The following GABRP variants were observed in gnomAD, a reference collection of about 807,000 sequenced individuals.
The protein encoded by GABRP is gamma-aminobutyric acid receptor subunit pi.
GABRP carries 52 observed loss-of-function variants against 47.8 expected under a neutral mutation model. The ratio of observed to expected loss-of-function variants is 1.09; its 90% CI spans 0.87 to 1.37. The LOEUF (loss-of-function observed/expected upper bound fraction) is 1.37. Among genes scored for constraint, GABRP ranks in the 40% most tolerant of loss-of-function variants. GABRP has a pLI of 0.00. For missense variants in GABRP, 525 were observed against 542.8 expected (o/e 0.97, Z 0.33); for synonymous variants, 221 against 205.8 (o/e 1.07, Z -0.63).
rs372452374 is a variant in GABRP at position 170,808,540 on chromosome 5, T to C, written c.680-60T>C. On this transcript the variant is annotated intron_variant, in intron 7 of 9. Transcript: ENST00000265294. ...AATGTACATATAGTTAAGCATCCCA[T>C]AGAGAAACCACTTGCTACACGAACA... is the stretch of plus-strand genomic sequence containing the variant. The C allele has an allele frequency of 3.3e-5, 50 of 1,494,250 alleles. No individual in the cohort carries two copies. In the East Asian group the frequency reaches 1.0e-3, roughly 31 times the overall value. 92.6% of individuals were successfully genotyped at this position (1,494,250 alleles called of 1,614,324 possible).
chr5:170,801,175 G>A (rs774857139), intron 6 of GABRP, among the ~76,000 whole-genome samples: 2 of 152,190 alleles, frequency 1.3e-5, no homozygotes, highest in African/African-American at 4.8e-5. Flanking sequence ...CTTCAACCCA[G>A]GTGGAATGGC....
Position 170,809,528 on chromosome 5 carries a change from C to T in GABRP, c.833-40C>T, listed in dbSNP as rs1400348819. The stretch of plus-strand genomic sequence containing the variant: ...CTGCCAGGCTATGGTGGAGGACTAA[C>T]CAGTCACTTTGTAGGAACATCCCCT... On this transcript the variant is annotated intron_variant, in intron 8 of 9. Transcript: ENST00000265294. 1.9e-6 allele frequency: 3 copies of T among 1,601,530 alleles called. No homozygotes were observed. In the South Asian group the frequency reaches 3.3e-5, roughly 18 times the overall value.
chr5:170,806,307 T>G (rs929753778), intron 7 of GABRP, among the ~76,000 whole-genome samples: 12 of 152,208 alleles, frequency 7.9e-5, no homozygotes, highest in Non-Finnish European at 1.3e-4. Context: ...ATGCATCTCT[T>G]GGTCTTTGGC....
intron 6 of GABRP, among the ~76,000 whole-genome samples, chr5:170,800,204 T>C (rs1024350195): frequency 1.3e-5 from 2 of 152,300 alleles, no homozygotes; most frequent in East Asian, 3.9e-4. Context: ...TACAACTATC[T>C]GATCTTTGAC....
chr5:170,809,784 T>C, intron 9 of GABRP, 29 bp downstream of exon 9: 1 of 1,561,490 alleles, frequency 6.4e-7, no homozygotes, highest in Non-Finnish European at 8.7e-7. Flanking sequence ...CTGTGTATGA[T>C]CCATCACTGG....
At chr5:170,799,742 T>C (rs185917878) in intron 6 of GABRP, among the ~76,000 whole-genome samples, 1 of 152,350 alleles carries the variant, frequency 6.6e-6, no homozygotes, top group East Asian at 1.9e-4. Flanking sequence ...GCCTGTTCAC[T>C]CTGATTGTAG....
rs1765950273 is a variant in GABRP, at chr5:170,813,644, G to A, written c.*1386G>A. 6.6e-6 allele frequency: 1 copy of A among 152,152 alleles called. No individual in the cohort carries two copies. The highest frequency in any genetic ancestry group is 2.4e-5 in the African/African-American group (1 of 41,446). 9.4% of individuals were successfully genotyped at this position (152,152 alleles called of 1,614,324 possible). ...TTCCAGTTCAGCCTCAGTTATTTTA[G>A]ACAATCTCGCCATCTTTAATTTCTT... On this transcript the variant is annotated 3_prime_UTR_variant, in exon 10 of 10. Transcript: ENST00000265294.
At position 170,790,833 on chromosome 5, in the gene GABRP, C is replaced by T. The variant is rs185903502; in HGVS notation, c.172+1586C>T. Among the ~76,000 whole-genome samples the T allele has an allele frequency of 5.3e-5, 8 of 152,222 alleles. No homozygotes were observed. In the East Asian group the frequency reaches 9.7e-4, roughly 18 times the overall value. ...CTGTGGCCCATGAGAAGTGTGGCCTCGGAGCAAGTGTGGTGGTAGATTCCA... is the reference window on the plus strand; with the variant it reads ...CTGTGGCCCATGAGAAGTGTGGCCTTGGAGCAAGTGTGGTGGTAGATTCCA... On this transcript the variant is annotated intron_variant, in intron 3 of 9. Transcript: ENST00000265294.
chr5:170,789,548 T>C (rs1458279567), intron 3 of GABRP, among the ~76,000 whole-genome samples: 2 of 152,164 alleles, frequency 1.3e-5, no homozygotes, highest in East Asian at 1.9e-4. Context: ...ATTCAATGAA[T>C]TCACCATGCG....
At chr5:170,794,375 C>CAA (rs34296291) in intron 4 of GABRP, 77 bp downstream of exon 4, 4,210 of 259,864 alleles carry the variant, frequency 0.016, 190 homozygotes, top group African/African-American at 0.11. Flanking sequence ...TCTAGCCGCT[C>CAA]AAAAAAAAAA....
At chr5:170,796,574 A>C (rs1483183149) in intron 5 of GABRP, among the ~76,000 whole-genome samples, 1 of 152,346 alleles carries the variant, frequency 6.6e-6, no homozygotes, top group East Asian at 1.9e-4. Flanking sequence ...CTTGACTCTC[A>C]GAGCCTCAGT....
intron 1 of GABRP, among the ~76,000 whole-genome samples, chr5:170,784,432 A>G (rs1765077835): frequency 6.6e-6 from 1 of 152,206 alleles, no homozygotes; most frequent in South Asian, 2.1e-4. Context: ...AGAGGCCAAG[A>G]GCACGGAGTA....
At chr5:170,791,155 G>C (rs906048849) in intron 3 of GABRP, among the ~76,000 whole-genome samples, 6 of 152,206 alleles carry the variant, frequency 3.9e-5, no homozygotes, top group Non-Finnish European at 1.5e-5. Context: ...CAAGGTGCAG[G>C]GTCCTTGGGC....
At position 170,809,722 on chromosome 5, in the gene GABRP, C is replaced by T. The variant is rs774998587; in HGVS notation, c.987C>T (p.Tyr329=). Residue 329 remains tyrosine (Y), a synonymous_variant, in exon 9 of 10, where the codon TAC becomes TAT. Transcript: ENST00000265294. ...TGCTAGAATATGCAGTTGCTCACTA[C>T]AGTTCCTTACAGCAGATGGCAGCCA... ...GALLEYAVAH[Y]SSLQQMAAKD... is the part of the protein sequence containing the mutation. 69 of 1,605,808 alleles carry T rather than the reference C, an allele frequency of 4.3e-5. No individual in the cohort carries two copies. Among genetic ancestry groups the T allele is most frequent in the Non-Finnish European group, 5.4e-5 (64 of 1,176,108 alleles).
intron 7 of GABRP, among the ~76,000 whole-genome samples, chr5:170,806,738 G>C (rs113893594): frequency 4.6e-5 from 7 of 152,158 alleles, no homozygotes; most frequent in African/African-American, 1.2e-4. Flanking sequence ...CACCGCGCCC[G>C]GCCTACTGTG....
At chr5:170,796,644 G>T (rs1456654592) in intron 5 of GABRP, among the ~76,000 whole-genome samples, 1 of 152,102 alleles carries the variant, frequency 6.6e-6, no homozygotes, top group South Asian at 2.1e-4. Flanking sequence ...GTTCAAAGGG[G>T]TAATGCATGC....
chr5:170,797,250 A>T (rs1047514238), intron 5 of GABRP, among the ~76,000 whole-genome samples: 1 of 152,224 alleles, frequency 6.6e-6, no homozygotes, highest in Non-Finnish European at 1.5e-5. Flanking sequence ...AATGGCCAGC[A>T]TTCCAACTTC....
intron 6 of GABRP, among the ~76,000 whole-genome samples, chr5:170,804,229 G>A (rs1338135065): frequency 6.8e-6 from 1 of 147,074 alleles, no homozygotes; most frequent in East Asian, 1.9e-4. Flanking sequence ...AGATAGATGA[G>A]ATAGATATAT....
At chr5:170,801,596 A>G (rs1765592301) in intron 6 of GABRP, among the ~76,000 whole-genome samples, 1 of 152,064 alleles carries the variant, frequency 6.6e-6, no homozygotes, top group South Asian at 2.1e-4. Context: ...TCATTCTAAT[A>G]CTTTAGTTTT....
Sources: allele counts gnomAD v4.1 joint callset (sites outside exome capture counted in the v4.1 genomes callset), GRCh38; gene constraint gnomAD v4.1.1; transcripts MANE v1.5; gene names NCBI Gene and HGNC (gene_info 2026-07-23, HGNC 2026-07-21).